The following ZMAT4 variants were observed in gnomAD, a reference collection of about 807,000 sequenced individuals.
ZMAT4 encodes the protein zinc finger matrin-type 4.
A neutral mutation model predicts 28.7 loss-of-function variants in ZMAT4; 17 were observed. The ratio of observed to expected loss-of-function variants is 0.59; its 90% CI spans 0.41 to 0.89. The LOEUF is 0.89. Ranked by LOEUF, ZMAT4 falls within the 40% of genes least tolerant of loss-of-function variation. ZMAT4 has a pLI of 0.00. For synonymous variants in ZMAT4, 117 were observed against 109.2 expected (o/e 1.07, Z -0.44); for missense variants, 240 against 283.8 (o/e 0.85, Z 1.11).
chr8:40,810,831 A>G (rs1185084291), intron 2 of ZMAT4, among the ~76,000 whole-genome samples: 1 of 152,216 alleles, frequency 6.6e-6, no homozygotes, highest in Non-Finnish European at 1.5e-5. Context: ...AGGAAATAAA[A>G]AGAATACAAG....
At chr8:40,737,351 G>A (rs1177328421) in intron 3 of ZMAT4, among the ~76,000 whole-genome samples, 1 of 152,038 alleles carries the variant, frequency 6.6e-6, no homozygotes, top group African/African-American at 2.4e-5. Flanking sequence ...AAGAGGGATG[G>A]GAGGCAAGGA....
At chr8:40,785,689 A>C (rs1249548230) in intron 2 of ZMAT4, among the ~76,000 whole-genome samples, 3 of 152,200 alleles carry the variant, frequency 2.0e-5, no homozygotes, top group African/African-American at 7.2e-5. Flanking sequence ...AGTTAGTCCA[A>C]AACTACTGAC....
chr8:40,698,126 A>G (rs1452717124), intron 3 of ZMAT4, among the ~76,000 whole-genome samples: 2 of 152,162 alleles, frequency 1.3e-5, no homozygotes, highest in African/African-American at 4.8e-5. Flanking sequence ...AATTAACTCG[A>G]TTCTGTATCA....
rs181471305 is a variant in ZMAT4, at chr8:40,760,059, C to T, written c.192+7582G>A. On this transcript the variant is annotated intron_variant, in intron 3 of 6. Coordinates refer to ENST00000297737, the MANE Select transcript of ZMAT4 (RefSeq NM_024645.3). ...CACGGTCCCTGAACTTTGTCCCACT[C>T]TTATGCTTGTGCGAGCACTGAGAGC... 3.3e-5 allele frequency among the ~76,000 whole-genome samples: 5 copies of T among 152,280 alleles called. No individual in the cohort carries two copies. In the East Asian group the frequency reaches 9.7e-4, roughly 30 times the overall value.
At chr8:40,747,140 A>G (rs944632308) in intron 3 of ZMAT4, among the ~76,000 whole-genome samples, 1 of 152,224 alleles carries the variant, frequency 6.6e-6, no homozygotes, top group Admixed American at 6.5e-5. Flanking sequence ...AAAAATGGAT[A>G]ATGATTTCAT....
Position 40,873,041 on chromosome 8 carries a change from G to T in ZMAT4, c.-5+24642C>A, listed in dbSNP as rs550570474. On this transcript the variant is annotated intron_variant, in intron 1 of 6. Coordinates refer to ENST00000297737, the MANE Select transcript of ZMAT4 (RefSeq NM_024645.3). ...AGCCTCAGTCTCTGAAGCCCCAAGA[G>T]GTTAAAAAAAAATTATCCATGCAAG... Among the ~76,000 whole-genome samples the T allele has an allele frequency of 5.3e-5, 8 of 151,952 alleles. No homozygotes were observed. The South Asian group carries it at 1.7e-3, about 32-fold the overall frequency.
intron 1 of ZMAT4, among the ~76,000 whole-genome samples, chr8:40,896,083 G>T (rs955096554): frequency 6.6e-6 from 1 of 152,200 alleles, no homozygotes; most frequent in African/African-American, 2.4e-5. Context: ...AAAAAAAGTG[G>T]GCAGGCATTT....
intron 5 of ZMAT4, among the ~76,000 whole-genome samples, chr8:40,586,678 G>C (rs776966503): frequency 6.6e-6 from 1 of 152,142 alleles, no homozygotes; most frequent in African/African-American, 2.4e-5. Context: ...GTCTAGCAAA[G>C]CTAGAAGTCC....
At chr8:40,835,901 T>A (rs1816463181) in intron 1 of ZMAT4, among the ~76,000 whole-genome samples, 1 of 152,184 alleles carries the variant, frequency 6.6e-6, no homozygotes, top group African/African-American at 2.4e-5. Flanking sequence ...CGGTGCTGAT[T>A]TGTCTCCTGA....
At chr8:40,881,690 A>G (rs1818280843) in intron 1 of ZMAT4, among the ~76,000 whole-genome samples, 1 of 152,204 alleles carries the variant, frequency 6.6e-6, no homozygotes, top group Non-Finnish European at 1.5e-5. Flanking sequence ...GGGACTGATA[A>G]CATGGATCAG....
chr8:40,775,600 G>A (rs375378285), intron 2 of ZMAT4, among the ~76,000 whole-genome samples: 35 of 152,232 alleles, frequency 2.3e-4, no homozygotes, highest in African/African-American at 8.0e-4. Context: ...GGACAAGGCA[G>A]AATTAACTCC....
chr8:40,567,417 G>T (rs1283946769), intron 6 of ZMAT4, among the ~76,000 whole-genome samples: 1 of 151,992 alleles, frequency 6.6e-6, no homozygotes, highest in Admixed American at 6.6e-5. Context: ...ATATAGAATG[G>T]TCTAGATAAC....
intron 6 of ZMAT4, among the ~76,000 whole-genome samples, chr8:40,573,531 A>G (rs546663933): frequency 6.6e-6 from 1 of 152,230 alleles, no homozygotes; most frequent in East Asian, 1.9e-4. Context: ...TAGATTTCGG[A>G]TGATTTCATC....
intron 6 of ZMAT4, among the ~76,000 whole-genome samples, chr8:40,563,911 C>T (rs1205856069): frequency 1.3e-5 from 2 of 152,048 alleles, no homozygotes; most frequent in Admixed American, 1.3e-4. Context: ...AGCCCCTACC[C>T]TTGCTCCCCA....
intron 5 of ZMAT4, among the ~76,000 whole-genome samples, chr8:40,591,522 G>T (rs754083538): frequency 1.1e-4 from 17 of 152,126 alleles, no homozygotes; most frequent in Non-Finnish European, 2.4e-4. Flanking sequence ...CTGGGCTCCA[G>T]TTTCCCCCTC....
At chr8:40,867,262 A>G (rs143874906) in intron 1 of ZMAT4, among the ~76,000 whole-genome samples, 1 of 152,258 alleles carries the variant, frequency 6.6e-6, no homozygotes, top group African/African-American at 2.4e-5. Context: ...TAAAAGAAAT[A>G]TATATATATC....
At chr8:40,689,516 G>A (rs1227986757) in intron 4 of ZMAT4, among the ~76,000 whole-genome samples, 2 of 152,282 alleles carry the variant, frequency 1.3e-5, no homozygotes, top group Middle Eastern at 3.4e-3. Flanking sequence ...GAATTTTGAG[G>A]CTGATATTTA....
At chr8:40,811,890 G>A (rs563134249) in intron 2 of ZMAT4, among the ~76,000 whole-genome samples, 1 of 152,274 alleles carries the variant, frequency 6.6e-6, no homozygotes, top group East Asian at 1.9e-4. Flanking sequence ...CAGCACTTCG[G>A]GAGGCTGAGC....
intron 5 of ZMAT4, among the ~76,000 whole-genome samples, chr8:40,667,136 C>CT (rs200249723): frequency 1.9e-4 from 29 of 148,774 alleles, no homozygotes; most frequent in South Asian, 1.1e-3. Flanking sequence ...GCAATAATTT[C>CT]TTTTTTTTTT....
Sources: gnomAD v4.1 joint callset for allele counts (sites outside exome capture counted in the v4.1 genomes callset) on GRCh38, gnomAD v4.1.1 for gene constraint, MANE v1.5 for transcripts, NCBI Gene and HGNC (gene_info 2026-07-23, HGNC 2026-07-21) for gene names.